The following UNC13C variants were observed in gnomAD, a reference collection of about 807,000 sequenced individuals.
The protein encoded by UNC13C is unc-13 homolog C, also known as protein unc-13 homolog C.
UNC13C carries 174 observed loss-of-function variants against 245.4 expected under a neutral mutation model. That is an observed-to-expected ratio of 0.71 (90% CI 0.63 to 0.80). UNC13C has a LOEUF of 0.80. UNC13C is among the 30% of genes least tolerant of loss of function. The pLI, the probability that UNC13C is intolerant of heterozygous loss-of-function variation, is 0.00. For missense variants in UNC13C, 2,829 were observed against 2,602.9 expected (o/e 1.09, Z -1.89); for synonymous variants, 992 against 895.1 (o/e 1.11, Z -1.93).
At chr15:54,284,930 A>T (rs988844230) in intron 10 of UNC13C, among the ~76,000 whole-genome samples, 1 of 152,260 alleles carries the variant, frequency 6.6e-6, no homozygotes, top group East Asian at 1.9e-4. Context: ...AAATTATTAG[A>T]TATAAACATA....
At chr15:54,392,721 A>G (rs1300068728) in intron 17 of UNC13C, among the ~76,000 whole-genome samples, 2 of 151,554 alleles carry the variant, frequency 1.3e-5, no homozygotes, top group East Asian at 3.9e-4. Flanking sequence ...CATAATTTCT[A>G]ATAATAATAA....
At chr15:53,932,631 C>G in the UNC13C span, among the ~76,000 whole-genome samples, 2 of 152,172 alleles carry the variant, frequency 1.3e-5, no homozygotes, top group African/African-American at 4.8e-5. Context: ...TCTTACCACT[C>G]TAACCCTTTC....
the UNC13C span, among the ~76,000 whole-genome samples, chr15:53,955,266 TAC>T: frequency 0.18 from 27,335 of 149,450 alleles, 2,556 homozygotes; most frequent in Middle Eastern, 0.23. Context: ...GACTTTTTCT[TAC>T]ACACACACAC....
intron 2 of UNC13C, among the ~76,000 whole-genome samples, chr15:54,079,156 T>C (rs933696593): frequency 2.0e-5 from 3 of 152,178 alleles, no homozygotes; most frequent in Non-Finnish European, 2.9e-5. Flanking sequence ...CTCTATTCTG[T>C]TCCATTGATC....
chr15:54,026,012 G>T (rs1896094751), intron 2 of UNC13C, among the ~76,000 whole-genome samples: 1 of 152,108 alleles, frequency 6.6e-6, no homozygotes, highest in African/African-American at 2.4e-5. Context: ...TTACATTTCT[G>T]TTCTTTAGTG....
At position 54,241,122 on chromosome 15, in the gene UNC13C, G is replaced by C. The variant is rs114477284; in HGVS notation, c.3228+3432G>C. Among the ~76,000 whole-genome samples, 1,138 of 152,210 alleles carry C rather than the reference G, an allele frequency of 7.5e-3. 19 individuals carry two copies. The highest frequency in any genetic ancestry group is 0.027 in the African/African-American group (1,108 of 41,530). ...TTTAAACCAAGATAGTCTCAGATGA[G>C]GTTTATGGGAAACCAGGTAGAGGGA... On this transcript the variant is annotated intron_variant, in intron 7 of 32. Coordinates refer to ENST00000260323, the MANE Select transcript of UNC13C (RefSeq NM_001080534.3).
intron 17 of UNC13C, among the ~76,000 whole-genome samples, chr15:54,365,051 CT>C (rs557003814): frequency 6.6e-6 from 1 of 151,374 alleles, no homozygotes; most frequent in Non-Finnish European, 1.5e-5. Flanking sequence ...TTTTGACAGC[CT>C]TTTTTTTTCT....
At chr15:54,022,816 T>C (rs1315236405) in intron 2 of UNC13C, among the ~76,000 whole-genome samples, 1 of 152,102 alleles carries the variant, frequency 6.6e-6, no homozygotes, top group East Asian at 1.9e-4. Context: ...AAGGAGACCT[T>C]TGAGGAGTGA....
the UNC13C span, among the ~76,000 whole-genome samples, chr15:53,919,301 C>G: frequency 6.6e-6 from 1 of 152,070 alleles, no homozygotes; most frequent in Non-Finnish European, 1.5e-5. Flanking sequence ...TTGGTATGCT[C>G]AGTGATGTGT....
At chr15:53,897,016 G>A in the UNC13C span, among the ~76,000 whole-genome samples, 1 of 151,638 alleles carries the variant, frequency 6.6e-6, no homozygotes, top group Non-Finnish European at 1.5e-5. Flanking sequence ...CTTTAAGACT[G>A]TGGAAATCAC....
chr15:53,901,783 T>C, the UNC13C span, among the ~76,000 whole-genome samples: 2 of 152,310 alleles, frequency 1.3e-5, no homozygotes, highest in East Asian at 3.9e-4. Context: ...TGAGAGTGTA[T>C]GTTTACTGCA....
At chr15:54,132,601 A>G (rs765588958) in intron 2 of UNC13C, among the ~76,000 whole-genome samples, 2 of 152,208 alleles carry the variant, frequency 1.3e-5, no homozygotes, top group African/African-American at 4.8e-5. Flanking sequence ...AGTTATTTGC[A>G]GACTTATCTA....
At chr15:54,415,885 G>A (rs2140951904) in intron 19 of UNC13C, among the ~76,000 whole-genome samples, 1 of 152,228 alleles carries the variant, frequency 6.6e-6, no homozygotes. Context: ...GCAGACATGG[G>A]GCTAGGGGAC....
At chr15:53,919,241 G>A in the UNC13C span, among the ~76,000 whole-genome samples, 2 of 152,168 alleles carry the variant, frequency 1.3e-5, no homozygotes, top group African/African-American at 2.4e-5. Flanking sequence ...ATTAAAAAGT[G>A]GGGGTTAATC....
At chr15:54,610,949 C>T (rs1432424344) in intron 30 of UNC13C, among the ~76,000 whole-genome samples, 1 of 152,164 alleles carries the variant, frequency 6.6e-6, no homozygotes, top group Non-Finnish European at 1.5e-5. Context: ...AAATTTTAGA[C>T]AACTATACTT....
intron 19 of UNC13C, among the ~76,000 whole-genome samples, chr15:54,418,013 T>G (rs530052124): frequency 3.2e-4 from 49 of 152,230 alleles, no homozygotes; most frequent in African/African-American, 1.2e-3. Context: ...AACCTCCGAC[T>G]CCCTGATTCA....
At chr15:54,489,954 G>T (rs1426986145) in intron 19 of UNC13C, among the ~76,000 whole-genome samples, 2 of 152,112 alleles carry the variant, frequency 1.3e-5, no homozygotes, top group Non-Finnish European at 2.9e-5. Flanking sequence ...AGTGCATAAT[G>T]CATGAAAAAA....
intron 2 of UNC13C, among the ~76,000 whole-genome samples, chr15:54,085,237 A>G (rs1256962854): frequency 6.6e-6 from 1 of 152,160 alleles, no homozygotes; most frequent in African/African-American, 2.4e-5. Context: ...ATATACAAAG[A>G]TATGCTCAAA....
At chr15:54,596,283 T>C (rs184181970) in intron 30 of UNC13C, among the ~76,000 whole-genome samples, 2 of 152,324 alleles carry the variant, frequency 1.3e-5, no homozygotes, top group African/African-American at 4.8e-5. Flanking sequence ...AAAAAGAATA[T>C]TTTCTATATC....
Sources: gnomAD v4.1 joint callset for allele counts (sites outside exome capture counted in the v4.1 genomes callset) on GRCh38, gnomAD v4.1.1 for gene constraint, MANE v1.5 for transcripts, NCBI Gene and HGNC (gene_info 2026-07-23, HGNC 2026-07-21) for gene names.